The following LAMA2 variants were observed in gnomAD, a reference collection of about 807,000 sequenced individuals.
LAMA2 encodes laminin subunit alpha 2.
A neutral mutation model predicts 364.8 loss-of-function variants in LAMA2; 269 were observed. That is an observed-to-expected ratio of 0.74 (90% CI 0.67 to 0.82). The LOEUF is 0.82. Ranked by LOEUF, LAMA2 falls within the 40% of genes least tolerant of loss-of-function variation. The probability of loss-of-function intolerance (pLI) is 0.00; values close to 1 mark genes in which losing one functional copy is unlikely to be tolerated. For missense variants in LAMA2, 3,807 were observed against 3,873.2 expected (o/e 0.98, Z 0.45); for synonymous variants, 1,379 against 1,370.6 (o/e 1.01, Z -0.14).
chr6:129,375,164 G>A (rs1035647742), intron 34 of LAMA2, among the ~76,000 whole-genome samples: 1 of 151,942 alleles, frequency 6.6e-6, no homozygotes, highest in Admixed American at 6.6e-5. Context: ...TAAATATAAA[G>A]TAAAAAAATT....
rs993217514 is a variant in LAMA2 at position 129,315,956 on chromosome 6, G to C, written c.3924+6G>C. 2.4e-5 allele frequency: 38 copies of C among 1,613,966 alleles called. No homozygotes were observed. Among genetic ancestry groups the C allele is most frequent in the Non-Finnish European group, 3.1e-5 (37 of 1,179,924 alleles). ...ATGAAATTGAAATGACAGAGGTAAA[G>C]TTAGTCATTGTTTGGTGCAAAGATA... On this transcript the variant is annotated splice_donor_region_variant and intron_variant, in intron 26 of 64. Coordinates refer to ENST00000421865, the MANE Select transcript of LAMA2 (RefSeq NM_000426.4).
At chr6:129,082,964 T>C (rs1013204667) in intron 3 of LAMA2, among the ~76,000 whole-genome samples, 12 of 152,086 alleles carry the variant, frequency 7.9e-5, no homozygotes, top group African/African-American at 2.4e-4. Context: ...ATAGCTATAT[T>C]TACAGATATT....
intron 24 of LAMA2, among the ~76,000 whole-genome samples, chr6:129,315,141 C>T (rs1774498778): frequency 1.3e-5 from 2 of 152,148 alleles, no homozygotes; most frequent in Non-Finnish European, 1.5e-5. Flanking sequence ...CAGGACTTGT[C>T]ACACATTCAT....
chr6:129,066,045 T>TTTTTTTTTTTTTTTTC (rs1562206834), intron 3 of LAMA2, among the ~76,000 whole-genome samples: 7 of 82,004 alleles, frequency 8.5e-5, no homozygotes, highest in Admixed American at 2.8e-4. Flanking sequence ...CAGGTTTTTT[T>TTTTTTTTTTTTTTTTC]TTTTTTTTTT....
intron 12 of LAMA2, among the ~76,000 whole-genome samples, chr6:129,246,828 G>A (rs1206004641): frequency 6.6e-6 from 1 of 152,174 alleles, no homozygotes; most frequent in Non-Finnish European, 1.5e-5. Context: ...GACAGATGGA[G>A]AAGAGGCAGA....
chr6:129,194,557 C>T (rs933894403), intron 12 of LAMA2, among the ~76,000 whole-genome samples: 5 of 152,138 alleles, frequency 3.3e-5, no homozygotes, highest in Non-Finnish European at 7.4e-5. Context: ...ATTCCCCTAC[C>T]GATCATTTTC....
intron 12 of LAMA2, among the ~76,000 whole-genome samples, chr6:129,208,988 C>G (rs1782908166): frequency 6.6e-6 from 1 of 152,030 alleles, no homozygotes; most frequent in Non-Finnish European, 1.5e-5. Flanking sequence ...GATCATCAGC[C>G]TCAGTGTTCT....
At chr6:129,012,619 T>G (rs1328203080) in intron 1 of LAMA2, among the ~76,000 whole-genome samples, 1 of 152,198 alleles carries the variant, frequency 6.6e-6, no homozygotes, top group African/African-American at 2.4e-5. Flanking sequence ...GCAAATAAAG[T>G]TTGCTCACTG....
intron 4 of LAMA2, among the ~76,000 whole-genome samples, chr6:129,106,858 C>A (rs1775853724): frequency 8.1e-6 from 1 of 122,950 alleles, no homozygotes. Flanking sequence ...TCCCTTACTC[C>A]TCCAAAAAAA....
intron 12 of LAMA2, among the ~76,000 whole-genome samples, chr6:129,214,751 G>A (rs894650901): frequency 2.0e-5 from 3 of 152,128 alleles, no homozygotes; most frequent in African/African-American, 7.2e-5. Context: ...TTAATGATGT[G>A]TTGGCTGTTC....
chr6:129,172,376 T>A (rs930426120), intron 9 of LAMA2, among the ~76,000 whole-genome samples: 1 of 152,210 alleles, frequency 6.6e-6, no homozygotes, highest in African/African-American at 2.4e-5. Context: ...TTTCTGTTTG[T>A]TAGTTTTCCT....
chr6:129,393,760 CAT>C lies in LAMA2; in HGVS notation c.5445+507_5445+508del, dbSNP rs200585779. Among the ~76,000 whole-genome samples, 1,058 of 152,230 alleles carry C rather than the reference CAT, an allele frequency of 7.0e-3. 5 individuals carry two copies. Among genetic ancestry groups the C allele is most frequent in the Non-Finnish European group, 9.5e-3 (645 of 68,014 alleles). ...GTTCAGAGATCTTGCTGCCAAAAAT[CAT>C]AGAAGTTCCCTACACTTTCAAATTC... On this transcript the variant is annotated intron_variant, in intron 37 of 64. Coordinates refer to ENST00000421865, the MANE Select transcript of LAMA2 (RefSeq NM_000426.4).
chr6:129,373,467 G>A (rs1778200026), intron 34 of LAMA2, among the ~76,000 whole-genome samples: 1 of 151,960 alleles, frequency 6.6e-6, no homozygotes, highest in Non-Finnish European at 1.5e-5. Flanking sequence ...TTATATACAT[G>A]TGTCATATAC....
At position 129,143,841 on chromosome 6, in the gene LAMA2, CAAAATCAATATTTA is replaced by C; in HGVS notation, c.640-57_640-44del. The C allele has an allele frequency of 4.7e-6, 6 of 1,268,056 alleles. No individual in the cohort carries two copies. In the South Asian group the frequency reaches 7.6e-5, roughly 16 times the overall value. The allele number at this position is 1,268,056 out of a possible 1,614,324, so 78.6% of individuals were successfully genotyped here. On this transcript the variant is annotated intron_variant, in intron 4 of 64. Transcript: ENST00000421865. ...ACTTTATTTTTCCAAGAAAAAGAAA[CAAAATCAATATTTA>C]AATTTTGGAAAACATAATTGTTAAA...
chr6:129,047,884 G>T (rs527768336), intron 1 of LAMA2, among the ~76,000 whole-genome samples: 2 of 151,974 alleles, frequency 1.3e-5, no homozygotes, highest in Admixed American at 1.3e-4. Flanking sequence ...AACCAGGTCC[G>T]CAAGGTAGCA....
At chr6:129,233,208 A>G (rs901706415) in intron 12 of LAMA2, among the ~76,000 whole-genome samples, 1 of 152,152 alleles carries the variant, frequency 6.6e-6, no homozygotes, top group Non-Finnish European at 1.5e-5. Flanking sequence ...ATATTCACCT[A>G]CAGAACCATG....
At chr6:129,017,335 T>A (rs1015654905) in intron 1 of LAMA2, among the ~76,000 whole-genome samples, 4 of 152,048 alleles carry the variant, frequency 2.6e-5, no homozygotes, top group African/African-American at 4.8e-5. Flanking sequence ...TGATATGGCC[T>A]CCTACTTAGA....
intron 35 of LAMA2, among the ~76,000 whole-genome samples, chr6:129,384,190 A>T (rs1583622764): frequency 6.6e-6 from 1 of 152,336 alleles, no homozygotes; most frequent in Middle Eastern, 3.4e-3. Context: ...TATTTCTGCC[A>T]GAAAAATCTC....
chr6:129,113,456 T>A (rs998249776), intron 4 of LAMA2, among the ~76,000 whole-genome samples: 18 of 151,966 alleles, frequency 1.2e-4, no homozygotes, highest in African/African-American at 4.1e-4. Context: ...ATTGATGGAA[T>A]CCTAAGGCAG....
Sources: allele counts gnomAD v4.1 joint callset (sites outside exome capture counted in the v4.1 genomes callset), GRCh38; gene constraint gnomAD v4.1.1; transcripts MANE v1.5; gene names NCBI Gene and HGNC (gene_info 2026-07-23, HGNC 2026-07-21).